Variants in PEAK1 observed in about 807,000 individuals in gnomAD.
The protein encoded by PEAK1 is inactive tyrosine-protein kinase PEAK1.
In PEAK1, 54 loss-of-function variants were observed where a neutral mutation model predicts 124.7. The observed-to-expected ratio is 0.43, with a 90% CI of 0.35 to 0.54. The LOEUF is 0.54. PEAK1 is among the 20% of genes least tolerant of loss of function. The pLI is 0.01. For missense variants in PEAK1, 2,046 were observed against 2,134.5 expected, an observed-to-expected ratio of 0.96 and a Z score of 0.82; for synonymous variants, 719 against 760.0, an observed-to-expected ratio of 0.95 and a Z score of 0.89.
chr15:77,252,241 T>C (rs1429269162), intron 6 of PEAK1, 126 bp downstream of exon 6: 7 of 497,270 alleles, frequency 1.4e-5, no homozygotes, highest in Non-Finnish European at 1.8e-5. Flanking sequence ...GCTAAATAAG[T>C]TATAAAATGT....
At chr15:77,360,266 G>A (rs2067798176) in intron 2 of PEAK1, among the ~76,000 whole-genome samples, 1 of 152,126 alleles carries the variant, frequency 6.6e-6, no homozygotes, top group African/African-American at 2.4e-5. Flanking sequence ...ATAAAAATAA[G>A]AGGTGAAACA....
intron 6 of PEAK1, among the ~76,000 whole-genome samples, chr15:77,240,312 CTT>C (rs1463706420): frequency 1.3e-5 from 2 of 152,104 alleles, no homozygotes; most frequent in African/African-American, 2.4e-5. Context: ...ATTATTTTCT[CTT>C]GTTTCTTTAC....
At chr15:77,107,062 C>G (rs1274383233), downstream of PEAK1, 1 of 152,224 alleles carries the variant, frequency 6.6e-6, no homozygotes, top group Non-Finnish European at 1.5e-5. Flanking sequence ...ACACGGTGAC[C>G]ACTCAGGCCA....
At chr15:77,232,657 G>A (rs1397956089) in intron 6 of PEAK1, among the ~76,000 whole-genome samples, 1 of 152,180 alleles carries the variant, frequency 6.6e-6, no homozygotes, top group African/African-American at 2.4e-5. Context: ...AAGTGTTAAT[G>A]TTCTTCTTTA....
At chr15:77,285,509 T>C (rs2062878147) in intron 3 of PEAK1, among the ~76,000 whole-genome samples, 1 of 152,176 alleles carries the variant, frequency 6.6e-6, no homozygotes, top group Non-Finnish European at 1.5e-5. Context: ...ATAGGGAACA[T>C]TGTGACATAA....
chr15:77,133,839 G>T lies in PEAK1; in HGVS notation c.3332-89C>A. The T allele has an allele frequency of 7.4e-7, 1 of 1,356,508 alleles. No individual in the cohort carries two copies. 84.0% of individuals were successfully genotyped at this position (1,356,508 alleles called of 1,614,324 possible). ...CTGAAACTTGAGCAGAAATGAGTGA[G>T]GTAGCCATGGGAATGTAAGAATAAG... On this transcript the variant is annotated intron_variant, in intron 8 of 9. Coordinates refer to ENST00000682557, the MANE Select transcript of PEAK1 (RefSeq NM_001385026.1). The surrounding 1 kb of genome is among the most constrained non-coding windows in gnomAD (Gnocchi z 4.2).
intron 6 of PEAK1, among the ~76,000 whole-genome samples, chr15:77,185,073 G>A (rs2057473145): frequency 6.6e-6 from 1 of 152,246 alleles, no homozygotes; most frequent in African/African-American, 2.4e-5. Flanking sequence ...GGATTAGGAT[G>A]TGGTGTCAGG....
At chr15:77,157,316 C>G (rs1194982382) in intron 8 of PEAK1, 2 of 152,256 alleles carry the variant, frequency 1.3e-5, no homozygotes, top group African/African-American at 2.4e-5. Flanking sequence ...ATGAATCTTG[C>G]TTGTGCTCTG....
At chr15:77,196,747 C>T (rs889698759) in intron 6 of PEAK1, among the ~76,000 whole-genome samples, 9 of 152,138 alleles carry the variant, frequency 5.9e-5, no homozygotes, top group African/African-American at 2.2e-4. Flanking sequence ...AATATGATTA[C>T]TTTCAGAGAA....
intron 2 of PEAK1, among the ~76,000 whole-genome samples, chr15:77,287,147 C>T (rs1176743889): frequency 6.6e-6 from 1 of 152,128 alleles, no homozygotes; most frequent in African/African-American, 2.4e-5. Flanking sequence ...AAGGGCCACA[C>T]TGTACTCAGG....
chr15:77,255,130 C>G (rs1327707555), intron 5 of PEAK1, among the ~76,000 whole-genome samples: 1 of 152,052 alleles, frequency 6.6e-6, no homozygotes, highest in Non-Finnish European at 1.5e-5. Flanking sequence ...ACCTAATGCT[C>G]CTAGAAAAAA....
chr15:77,310,227 A>T (rs2064356186), intron 2 of PEAK1, among the ~76,000 whole-genome samples: 1 of 152,166 alleles, frequency 6.6e-6, no homozygotes, highest in Non-Finnish European at 1.5e-5. Context: ...CCAAATCTGG[A>T]TGTTTTTCAG....
chr15:77,213,341 T>C (rs1191710583), intron 6 of PEAK1, among the ~76,000 whole-genome samples: 1 of 152,100 alleles, frequency 6.6e-6, no homozygotes, highest in African/African-American at 2.4e-5. Context: ...GATAAAGAGT[T>C]CTGGGAGTTC....
At chr15:77,236,343 C>T (rs1391872281) in intron 6 of PEAK1, among the ~76,000 whole-genome samples, 6 of 152,194 alleles carry the variant, frequency 3.9e-5, no homozygotes. Flanking sequence ...ATCAGCATGA[C>T]CTGAATGTGA....
intron 5 of PEAK1, chr15:77,255,645 C>T (rs2061090375): frequency 6.6e-6 from 1 of 152,122 alleles, no homozygotes; most frequent in Non-Finnish European, 1.5e-5. Context: ...ATTTTGGCTA[C>T]TGGTAAAGAA....
At chr15:77,242,208 A>C (rs1008342688) in intron 6 of PEAK1, among the ~76,000 whole-genome samples, 2 of 152,064 alleles carry the variant, frequency 1.3e-5, no homozygotes, top group Admixed American at 6.5e-5. Flanking sequence ...CATTTTTTGG[A>C]TCAAACAGTA....
intron 2 of PEAK1, among the ~76,000 whole-genome samples, chr15:77,316,308 C>T (rs2064869144): frequency 6.6e-6 from 1 of 152,090 alleles, no homozygotes; most frequent in African/African-American, 2.4e-5. Context: ...ATGCCATCAC[C>T]ACAAATAAAT....
At chr15:77,334,370 T>A in intron 2 of PEAK1, 1 of 985,370 alleles carries the variant, frequency 1.0e-6, no homozygotes, top group Non-Finnish European at 1.2e-6. Context: ...GAAGGCCTTT[T>A]ATTATTCCAG....
At chr15:77,335,171 T>C in intron 2 of PEAK1, 14 of 985,482 alleles carry the variant, frequency 1.4e-5, no homozygotes, top group Non-Finnish European at 1.6e-5. Context: ...GGAACATGCA[T>C]TAAGTTTACT....
Sources: allele counts gnomAD v4.1 joint callset (sites outside exome capture counted in the v4.1 genomes callset), GRCh38; gene constraint gnomAD v4.1.1; non-coding constraint Gnocchi (gnomAD v3.1); transcripts MANE v1.5; gene names NCBI Gene and HGNC (gene_info 2026-07-23, HGNC 2026-07-21).